FHIT: variants seen among roughly 807,000 people sequenced by gnomAD.
The protein encoded by FHIT is fragile histidine triad diadenosine triphosphatase.
FHIT carries 19 observed loss-of-function variants against 17.9 expected under a neutral mutation model. The observed-to-expected ratio is 1.06, with a 90% CI of 0.74 to 1.56. FHIT has a LOEUF of 1.56. Ranked by LOEUF, FHIT falls within the 40% of genes most tolerant of loss-of-function variation. The pLI, the probability that FHIT is intolerant of heterozygous loss-of-function variation, is 0.00. For synonymous variants in FHIT, 81 were observed against 69.7 expected (o/e 1.16, Z -0.81); for missense variants, 248 against 189.2 (o/e 1.31, Z -1.82).
intron 5 of FHIT, among the ~76,000 whole-genome samples, chr3:60,398,844 C>T (rs991591497): frequency 2.6e-5 from 4 of 151,286 alleles, no homozygotes; most frequent in African/African-American, 9.7e-5. Context: ...TTGGGAAAAA[C>T]TGACAAACTC....
rs565456653 is a variant in FHIT at position 60,308,514 on chromosome 3, A to G, written c.103+228346T>C. Among the ~76,000 whole-genome samples the G allele has an allele frequency of 5.7e-4, 86 of 149,924 alleles. 3 individuals carry two copies. In the South Asian group the frequency reaches 0.014, roughly 24 times the overall value. On this transcript the variant is annotated intron_variant, in intron 5 of 9. Coordinates refer to ENST00000492590, the MANE Select transcript of FHIT (RefSeq NM_002012.4). Reference sequence around the variant, plus strand: ...TGTATGTGTATATATATATATATATATATATATATATATATGCCTCTCAAA... The same window carrying G: ...TGTATGTGTATATATATATATATATGTATATATATATATATGCCTCTCAAA...
At chr3:60,929,127 C>T (rs1286854663) in intron 3 of FHIT, among the ~76,000 whole-genome samples, 1 of 152,184 alleles carries the variant, frequency 6.6e-6, no homozygotes, top group Non-Finnish European at 1.5e-5. Context: ...ATGATTATCT[C>T]AATAGATGCA....
At chr3:60,992,559 A>G (rs2030329988) in intron 3 of FHIT, among the ~76,000 whole-genome samples, 1 of 152,206 alleles carries the variant, frequency 6.6e-6, no homozygotes, top group Non-Finnish European at 1.5e-5. Flanking sequence ...CTCTGCACAT[A>G]ATGTCAGCCA....
intron 5 of FHIT, among the ~76,000 whole-genome samples, chr3:60,480,053 T>G (rs568332193): frequency 1.3e-5 from 2 of 152,284 alleles, no homozygotes; most frequent in African/African-American, 2.4e-5. Context: ...AGAAGAGGCT[T>G]AATTGACTCA....
intron 1 of FHIT, among the ~76,000 whole-genome samples, chr3:61,206,983 G>T (rs1196048150): frequency 1.3e-5 from 2 of 152,142 alleles, no homozygotes; most frequent in Non-Finnish European, 2.9e-5. Context: ...ATTATTTTGA[G>T]ATATGACCCA....
chr3:60,702,300 T>C (rs528799746), intron 4 of FHIT, among the ~76,000 whole-genome samples: 1 of 152,200 alleles, frequency 6.6e-6, no homozygotes, highest in Admixed American at 6.5e-5. Context: ...TTTTAATGTT[T>C]AGAAGAAAAA....
intron 8 of FHIT, among the ~76,000 whole-genome samples, chr3:59,801,139 G>A (rs1262247486): frequency 1.3e-5 from 2 of 152,130 alleles, no homozygotes; most frequent in Admixed American, 6.5e-5. Context: ...AACATTTATT[G>A]AGCACTGTAT....
At chr3:60,429,362 G>T (rs574501728) in intron 5 of FHIT, among the ~76,000 whole-genome samples, 1 of 152,096 alleles carries the variant, frequency 6.6e-6, no homozygotes, top group Non-Finnish European at 1.5e-5. Context: ...AAATTCTATT[G>T]GAAGACTGTC....
intron 4 of FHIT, among the ~76,000 whole-genome samples, chr3:60,623,321 C>T (rs2039187044): frequency 2.0e-5 from 3 of 152,104 alleles, no homozygotes; most frequent in Admixed American, 1.3e-4. Flanking sequence ...GCTCTAAATT[C>T]GACATGCCAT....
At chr3:60,716,454 C>T (rs1263857723) in intron 4 of FHIT, among the ~76,000 whole-genome samples, 2 of 151,818 alleles carry the variant, frequency 1.3e-5, no homozygotes, top group African/African-American at 4.8e-5. Flanking sequence ...TAAGCCTACA[C>T]CCGGATGGTA....
chr3:60,591,084 C>G (rs1473589009), intron 4 of FHIT, among the ~76,000 whole-genome samples: 19 of 152,196 alleles, frequency 1.2e-4, no homozygotes, highest in East Asian at 5.8e-4. Flanking sequence ...ATGTTCAGCT[C>G]TCATGTCATA....
In FHIT at chr3:60,515,759, C is replaced by G. The variant is rs191419758; in HGVS notation, c.103+21101G>C. Among the ~76,000 whole-genome samples the G allele has an allele frequency of 1.8e-4, 27 of 152,284 alleles. 1 individual carries two copies. Among genetic ancestry groups the G allele is most frequent in the Admixed American group, 1.6e-3 (25 of 15,298 alleles). The stretch of plus-strand genomic sequence containing the variant: ...TAAGCATTTTGCATATATTAACTCA[C>G]ATGATCCTCACAACAATTCCGCTGG... On this transcript the variant is annotated intron_variant, in intron 5 of 9. Transcript: ENST00000492590.
chr3:59,966,602 T>C (rs1484009913), intron 7 of FHIT, among the ~76,000 whole-genome samples: 2 of 152,132 alleles, frequency 1.3e-5, no homozygotes, highest in Non-Finnish European at 2.9e-5. Flanking sequence ...ATACTGTAGT[T>C]AATGGTAACA....
intron 5 of FHIT, among the ~76,000 whole-genome samples, chr3:60,472,958 A>AG (rs1559942921): frequency 6.6e-6 from 1 of 152,176 alleles, no homozygotes; most frequent in Non-Finnish European, 1.5e-5. Context: ...TATCTCCTTT[A>AG]GTGCTATATT....
intron 5 of FHIT, among the ~76,000 whole-genome samples, chr3:60,459,840 C>T (rs12638086): frequency 0.11 from 16,875 of 152,070 alleles, 1,424 homozygotes; most frequent in East Asian, 0.38. Context: ...GATTGTAAAC[C>T]GCATCCCAAT....
intron 3 of FHIT, among the ~76,000 whole-genome samples, chr3:60,988,644 T>C (rs1168458819): frequency 6.6e-6 from 1 of 151,972 alleles, no homozygotes; most frequent in Non-Finnish European, 1.5e-5. Flanking sequence ...GCATGATACA[T>C]AAAAGGAGAG....
At chr3:60,503,543 T>C (rs2034607042) in intron 5 of FHIT, among the ~76,000 whole-genome samples, 1 of 152,144 alleles carries the variant, frequency 6.6e-6, no homozygotes, top group Non-Finnish European at 1.5e-5. Context: ...TATGGGCACA[T>C]ACATTTTATA....
intron 3 of FHIT, among the ~76,000 whole-genome samples, chr3:60,960,219 C>A (rs1392190024): frequency 1.3e-5 from 2 of 152,160 alleles, no homozygotes; most frequent in African/African-American, 4.8e-5. Flanking sequence ...GGGTCTCCAA[C>A]GTCAGCAGGA....
intron 2 of FHIT, among the ~76,000 whole-genome samples, chr3:61,170,803 T>C (rs1184480075): frequency 6.6e-6 from 1 of 152,196 alleles, no homozygotes; most frequent in African/African-American, 2.4e-5. Context: ...TTCCATATCT[T>C]TGCTATTGTG....
Sources: gnomAD v4.1 joint callset for allele counts (sites outside exome capture counted in the v4.1 genomes callset) on GRCh38, gnomAD v4.1.1 for gene constraint, MANE v1.5 for transcripts, NCBI Gene and HGNC (gene_info 2026-07-23, HGNC 2026-07-21) for gene names.